The following PCDH11X variants were observed in gnomAD, a reference collection of about 807,000 sequenced individuals.
The protein encoded by PCDH11X is protocadherin-11 X-linked.
Under a neutral mutation model 53.3 loss-of-function variants are expected in PCDH11X, and 18 were observed. That is an observed-to-expected ratio of 0.34 (90% confidence interval 0.23 to 0.50). The LOEUF is 0.50. Among genes scored for constraint, PCDH11X ranks in the 20% least tolerant of loss-of-function variants. The probability of loss-of-function intolerance (pLI) is 0.98; values close to 1 mark genes in which losing one functional copy is unlikely to be tolerated. For synonymous variants in PCDH11X, 279 were observed against 393.3 expected (o/e 0.71, Z 3.44); for missense variants, 570 against 1,032.4 (o/e 0.55, Z 6.14).
chrX:92,068,013 T>G (rs2063641540), intron 6 of PCDH11X, among the ~76,000 whole-genome samples: 1 of 109,484 alleles, frequency 9.1e-6, no homozygotes, highest in Admixed American at 9.8e-5. Context: ...ATGTCTCCTT[T>G]TTCATCTCTG....
rs868096785 is a variant in PCDH11X, at chrX:92,613,036, T to G, written c.3368-5228T>G. ...GTTGGGTCTGTTGAAGACAGCAGACTGATAGGGCTTTTTTATGCAGCTTGT... is the reference window on the plus strand; with the variant it reads ...GTTGGGTCTGTTGAAGACAGCAGACGGATAGGGCTTTTTTATGCAGCTTGT... On this transcript the variant is annotated intron_variant, in intron 10 of 10. Transcript: ENST00000682573. Among the ~76,000 whole-genome samples, 5 of 110,289 alleles carry G rather than the reference T, an allele frequency of 4.5e-5. No homozygotes were observed. The South Asian group carries it at 2.0e-3, about 43-fold the overall frequency.
chrX:92,093,957 C>G (rs747049706), intron 6 of PCDH11X, among the ~76,000 whole-genome samples: 1 of 111,295 alleles, frequency 9.0e-6, no homozygotes, highest in South Asian at 3.7e-4. Flanking sequence ...TAGGTTATTA[C>G]AAGATACAAA....
At chrX:92,308,790 A>G (rs929203161) in intron 8 of PCDH11X, among the ~76,000 whole-genome samples, 2 of 111,496 alleles carry the variant, frequency 1.8e-5, no homozygotes. Context: ...CAACAACAAC[A>G]ACAAAACTAA....
At chrX:92,609,250 A>T (rs1343280452) in intron 10 of PCDH11X, among the ~76,000 whole-genome samples, 1 of 111,743 alleles carries the variant, frequency 8.9e-6, no homozygotes, top group Non-Finnish European at 1.9e-5. Flanking sequence ...ATTTTGCATA[A>T]ATATGCAGGA....
intron 6 of PCDH11X, among the ~76,000 whole-genome samples, chrX:91,969,986 G>A (rs757424535): frequency 1.2e-4 from 13 of 109,752 alleles, no homozygotes; most frequent in Admixed American, 2.9e-4. Context: ...TAATGTGTCC[G>A]GAATTGGTTC....
chrX:91,844,378 T>G (rs987825425), intron 5 of PCDH11X, among the ~76,000 whole-genome samples: 1 of 110,814 alleles, frequency 9.0e-6, no homozygotes, highest in African/African-American at 3.3e-5. Context: ...ATGTCTCCTC[T>G]TCATTTGTCT....
intron 10 of PCDH11X, among the ~76,000 whole-genome samples, chrX:92,517,350 T>G (rs889128673): frequency 1.7e-4 from 19 of 112,067 alleles, no homozygotes; most frequent in Non-Finnish European, 3.2e-4. Flanking sequence ...TTGAGAAAAT[T>G]GTCAACAATT....
At chrX:92,393,353 C>T (rs1232766087) in intron 9 of PCDH11X, among the ~76,000 whole-genome samples, 4 of 110,092 alleles carry the variant, frequency 3.6e-5, no homozygotes, top group African/African-American at 9.9e-5. Context: ...TAATTTAAAT[C>T]AGCTCAGCAA....
In PCDH11X at chrX:91,832,787, C is replaced by A. The variant is rs779787673; in HGVS notation, c.-44-2674C>A. 3.6e-5 allele frequency among the ~76,000 whole-genome samples: 4 copies of A among 110,787 alleles called. No individual in the cohort carries two copies. In the South Asian group the frequency reaches 1.5e-3, roughly 42 times the overall value. ...GCAATGCTTTTATTTCTTTAGTTTG[C>A]TTTATTTTGTTTTTCATTTTGGGGG... On this transcript the variant is annotated intron_variant, in intron 4 of 10. Transcript: ENST00000682573.
chrX:92,045,753 A>G (rs1217813568), intron 6 of PCDH11X, among the ~76,000 whole-genome samples: 3 of 107,778 alleles, frequency 2.8e-5, no homozygotes, highest in Non-Finnish European at 5.7e-5. Context: ...CAGCCTGGCC[A>G]ACATGGTGAA....
At chrX:92,195,424 A>G (rs1407227003) in intron 6 of PCDH11X, among the ~76,000 whole-genome samples, 2 of 111,785 alleles carry the variant, frequency 1.8e-5, no homozygotes, top group Non-Finnish European at 3.8e-5. Flanking sequence ...CCTTATGGAT[A>G]AATGAATATA....
intron 10 of PCDH11X, among the ~76,000 whole-genome samples, chrX:92,607,155 A>G (rs1174695226): frequency 9.1e-6 from 1 of 109,523 alleles, no homozygotes; most frequent in Non-Finnish European, 1.9e-5. Context: ...GACCCAGCAC[A>G]CAAACTTTTA....
chrX:92,252,264 T>C (rs1488356099), intron 7 of PCDH11X, among the ~76,000 whole-genome samples: 2 of 110,457 alleles, frequency 1.8e-5, no homozygotes, highest in African/African-American at 6.6e-5. Flanking sequence ...ATATTTTTCC[T>C]CAGTCATAGG....
chrX:92,230,370 G>GT (rs1226127199), intron 7 of PCDH11X, among the ~76,000 whole-genome samples: 1 of 95,494 alleles, frequency 1.0e-5, no homozygotes, highest in African/African-American at 3.8e-5. Context: ...TTTTATTTTT[G>GT]TTTTGTATGT....
chrX:92,424,596 CT>C (rs1463705562), intron 9 of PCDH11X, among the ~76,000 whole-genome samples: 1 of 96,305 alleles, frequency 1.0e-5, no homozygotes, highest in East Asian at 3.0e-4. Flanking sequence ...TGACTCTTTT[CT>C]GGTTCCTCTA....
chrX:92,319,503 A>T (rs746179749), intron 8 of PCDH11X, among the ~76,000 whole-genome samples: 106 of 111,671 alleles, frequency 9.5e-4, no homozygotes, highest in South Asian at 2.3e-3. Context: ...TAAAAGTCTT[A>T]TATGCCTTCA....
At chrX:92,295,107 A>C (rs2148462431) in intron 8 of PCDH11X, among the ~76,000 whole-genome samples, 1 of 103,601 alleles carries the variant, frequency 9.7e-6, no homozygotes, top group Admixed American at 1.1e-4. Context: ...AAGTATTGAG[A>C]AAATCATCGT....
At chrX:92,400,415 C>CA (rs1250212817) in intron 9 of PCDH11X, among the ~76,000 whole-genome samples, 5 of 109,652 alleles carry the variant, frequency 4.6e-5, no homozygotes, top group Admixed American at 2.9e-4. Context: ...AGGAAGTAGA[C>CA]AAAAAAGATG....
intron 4 of PCDH11X, among the ~76,000 whole-genome samples, chrX:91,818,278 T>C (rs1301437636): frequency 7.2e-5 from 8 of 111,323 alleles, no homozygotes; most frequent in Non-Finnish European, 1.5e-4. Flanking sequence ...TTTCGTAATC[T>C]CTTTTTCTAA....
Sources: gnomAD v4.1 joint callset for allele counts (sites outside exome capture counted in the v4.1 genomes callset) on GRCh38, gnomAD v4.1.1 for gene constraint, MANE v1.5 for transcripts, NCBI Gene and HGNC (gene_info 2026-07-23, HGNC 2026-07-21) for gene names.